The following CHN1 variants were observed in gnomAD, a reference collection of about 807,000 sequenced individuals.
CHN1 encodes N-chimaerin.
A neutral mutation model predicts 59.5 loss-of-function variants in CHN1; 37 were observed. The observed-to-expected ratio is 0.62, with a 90% confidence interval of 0.48 to 0.82. CHN1 has a LOEUF of 0.82. CHN1 is among the 40% of genes least tolerant of loss of function. CHN1 has a pLI of 0.00. For missense variants in CHN1, 469 were observed against 571.0 expected, an observed-to-expected ratio of 0.82 and a Z score of 1.82; for synonymous variants, 206 against 200.4, an observed-to-expected ratio of 1.03 and a Z score of -0.24.
intron 8 of CHN1, among the ~76,000 whole-genome samples, chr2:174,814,914 A>T (rs1347364391): frequency 6.6e-6 from 1 of 151,942 alleles, no homozygotes; most frequent in Non-Finnish European, 1.5e-5. Flanking sequence ...GTAATGCATC[A>T]TTTCTCTCTT....
At chr2:174,948,799 T>G (rs895659229) in intron 2 of CHN1, among the ~76,000 whole-genome samples, 5 of 152,194 alleles carry the variant, frequency 3.3e-5, no homozygotes, top group Admixed American at 2.0e-4. Flanking sequence ...TTGACATACC[T>G]AATTATTTTT....
At chr2:174,919,267 TAAGTACTATAATG>T (rs1224391205) in intron 3 of CHN1, among the ~76,000 whole-genome samples, 1 of 151,950 alleles carries the variant, frequency 6.6e-6, no homozygotes, top group Admixed American at 6.6e-5. Context: ...AAAGTAAGAG[TAAGTACTATAATG>T]AAAATAGGAG....
chr2:174,816,752 G>GATAATTTTTATAATTT lies in CHN1; in HGVS notation c.713-4271_713-4270insAAATTATAAAAATTAT. 4.6e-5 allele frequency among the ~76,000 whole-genome samples: 7 copies of GATAATTTTTATAATTT among 152,020 alleles called. No individual in the cohort carries two copies. In the South Asian group the frequency reaches 1.5e-3, roughly 32 times the overall value. ...CCAGGGCCTTTTGTTATAATTATTGGGAGTAATAAAAGCATATTTATCCAT... is the reference window on the plus strand; with the variant it reads ...CCAGGGCCTTTTGTTATAATTATTGGATAATTTTTATAATTTGAGTAATAAAAGCATATTTATCCAT... On this transcript the variant is annotated intron_variant, in intron 8 of 12. Transcript: ENST00000409900.
intron 1 of CHN1, among the ~76,000 whole-genome samples, chr2:174,978,409 T>C (rs907964963): frequency 6.6e-6 from 1 of 152,238 alleles, no homozygotes; most frequent in Non-Finnish European, 1.5e-5. Flanking sequence ...TCAAAAATTA[T>C]TAAAAATTTC....
chr2:174,824,040 A>C (rs546104424), intron 8 of CHN1, among the ~76,000 whole-genome samples: 1 of 152,356 alleles, frequency 6.6e-6, no homozygotes, highest in East Asian at 1.9e-4. Flanking sequence ...TTATCTTTAA[A>C]ATTCAGTTTC....
intron 8 of CHN1, among the ~76,000 whole-genome samples, chr2:174,814,372 T>G (rs1358658487): frequency 6.6e-6 from 1 of 152,236 alleles, no homozygotes; most frequent in Non-Finnish European, 1.5e-5. Flanking sequence ...TCCCAAATTC[T>G]TCTTTATCTC....
At chr2:174,889,881 A>ATG (rs111371037) in intron 5 of CHN1, among the ~76,000 whole-genome samples, 6,286 of 149,334 alleles carry the variant, frequency 0.042, 334 homozygotes, top group African/African-American at 0.12. Context: ...ATAAATAAAT[A>ATG]TGTGTGTGTG....
rs1228825270 is a variant in CHN1, at chr2:175,004,901, G to A, written c.12C>T (p.Thr4=). Residue 4 remains threonine, a synonymous_variant, in exon 1 of 13, where the codon ACC becomes ACT. Coordinates refer to ENST00000409900, the MANE Select transcript of CHN1 (RefSeq NM_001822.7). MAL[T]LFDTDEYRPP... ...GGAGACGGCTGCACTTACCAAACAG[G>A]GTCAGGGCCATTGTAAAGGCGCTCG... 1.3e-5 allele frequency: 20 copies of A among 1,534,030 alleles called. No homozygotes were observed. The highest frequency in any genetic ancestry group is 1.7e-5 in the Non-Finnish European group (19 of 1,144,290).
chr2:174,970,276 T>A (rs1470950951), intron 1 of CHN1, among the ~76,000 whole-genome samples: 1 of 152,222 alleles, frequency 6.6e-6, no homozygotes, highest in Non-Finnish European at 1.5e-5. Context: ...GGTTGTGAGC[T>A]GAACTAGCTC....
At position 175,005,271 on chromosome 2, in the gene CHN1, GCGGCGGC is replaced by G; in HGVS notation, c.-366_-360del. The G allele has an allele frequency of 8.6e-7, 1 of 1,161,792 alleles. No homozygotes were observed. The highest frequency in any genetic ancestry group is 1.1e-6 in the Non-Finnish European group (1 of 937,806). 72.0% of individuals were successfully genotyped at this position (1,161,792 alleles called of 1,614,324 possible). ...GAGAGGCGGCGCCGCACTGGCGGCG[GCGGCGGC>G]GGCGACGGGGAGAGCAGCAGCAGCC... is the stretch of plus-strand genomic sequence containing the variant. On this transcript the variant is annotated 5_prime_UTR_variant, in exon 1 of 13. An upstream open reading frame in the 5' UTR loses its in-frame stop. Transcript: ENST00000409900.
rs902245461 is a variant in CHN1, at chr2:174,888,019, C to T, written c.261-9891G>A. Among the ~76,000 whole-genome samples the T allele has an allele frequency of 5.3e-5, 8 of 152,078 alleles. No homozygotes were observed. The South Asian group carries it at 1.5e-3, about 28-fold the overall frequency. ...ATATTTACTATAGGTAGTGCCTGCACTTAGGTATATTTATAGAATATGTGA... is the reference window on the plus strand; with the variant it reads ...ATATTTACTATAGGTAGTGCCTGCATTTAGGTATATTTATAGAATATGTGA... On this transcript the variant is annotated intron_variant, in intron 5 of 12. Coordinates refer to ENST00000409900, the MANE Select transcript of CHN1 (RefSeq NM_001822.7).
At chr2:174,893,557 A>G (rs1688119492) in intron 5 of CHN1, among the ~76,000 whole-genome samples, 1 of 152,114 alleles carries the variant, frequency 6.6e-6, no homozygotes, top group African/African-American at 2.4e-5. Flanking sequence ...CAATCTAGAC[A>G]CTAAAGCAAT....
At position 174,799,391 on chromosome 2, in the gene CHN1, A is replaced by G. The variant is rs1353093016; in HGVS notation, c.*725T>C. 4 of 429,254 alleles carry G rather than the reference A, an allele frequency of 9.3e-6. No homozygotes were observed. Among genetic ancestry groups the G allele is most frequent in the Non-Finnish European group, 1.8e-5 (4 of 226,030 alleles). 26.6% of individuals were successfully genotyped at this position (429,254 alleles called of 1,614,324 possible). On this transcript the variant is annotated 3_prime_UTR_variant, in exon 13 of 13. Transcript: ENST00000409900. Reference sequence around the variant, plus strand: ...TCTTATGAGAAAAAAGTAAGCTATCAATATTTTTTATTTCTAAAAGCCAAT... The same window carrying G: ...TCTTATGAGAAAAAAGTAAGCTATCGATATTTTTTATTTCTAAAAGCCAAT...
intron 3 of CHN1, among the ~76,000 whole-genome samples, chr2:174,936,086 T>G (rs528275635): frequency 2.0e-5 from 3 of 152,332 alleles, no homozygotes; most frequent in Admixed American, 1.3e-4. Context: ...CACTGACTTG[T>G]GTTTCAGTAC....
intron 3 of CHN1, among the ~76,000 whole-genome samples, chr2:174,923,027 G>T (rs1044907166): frequency 1.3e-5 from 2 of 152,140 alleles, no homozygotes; most frequent in African/African-American, 4.8e-5. Context: ...ACCTGAGGGG[G>T]CCAAGGAAAA....
chr2:174,924,865 CTG>C (rs1404099016), intron 3 of CHN1, among the ~76,000 whole-genome samples: 2 of 152,104 alleles, frequency 1.3e-5, no homozygotes, highest in African/African-American at 4.8e-5. Flanking sequence ...TAATAGGAAA[CTG>C]TTTACAGATT....
intron 1 of CHN1, among the ~76,000 whole-genome samples, chr2:174,958,164 G>A (rs907274691): frequency 1.4e-5 from 2 of 140,218 alleles, no homozygotes; most frequent in African/African-American, 5.3e-5. Flanking sequence ...GGAAGGACAG[G>A]AGGAGAGAAG....
At chr2:174,824,312 C>T in intron 8 of CHN1, 122 bp downstream of exon 8, 1 of 590,248 alleles carries the variant, frequency 1.7e-6, no homozygotes, top group Admixed American at 3.2e-5. Flanking sequence ...TGGCCTACTG[C>T]ATGTGCATAA....
chr2:174,876,624 C>T (rs770136779), intron 6 of CHN1, among the ~76,000 whole-genome samples: 66 of 152,124 alleles, frequency 4.3e-4, no homozygotes, highest in Non-Finnish European at 6.0e-4. Flanking sequence ...ATGTTGTTTT[C>T]TCCGTAGCAA....
Sources: gnomAD v4.1 joint callset for allele counts (sites outside exome capture counted in the v4.1 genomes callset) on GRCh38, gnomAD v4.1.1 for gene constraint, MANE v1.5 for transcripts, NCBI Gene and HGNC (gene_info 2026-07-23, HGNC 2026-07-21) for gene names.